The following FSTL4 variants were observed in gnomAD, a reference collection of about 807,000 sequenced individuals.
FSTL4 encodes the protein follistatin-related protein 4.
A neutral mutation model predicts 78.2 loss-of-function variants in FSTL4; 28 were observed. The observed-to-expected ratio is 0.36, with a 90% CI of 0.27 to 0.49. The LOEUF (loss-of-function observed/expected upper bound fraction) is 0.49, where lower values mean the gene tolerates loss of function less well. Among genes scored for constraint, FSTL4 ranks in the 20% least tolerant of loss-of-function variants. The pLI, the probability that FSTL4 is intolerant of heterozygous loss-of-function variation, is 0.98. For synonymous variants in FSTL4, 422 were observed against 440.5 expected (o/e 0.96, Z 0.53); for missense variants, 922 against 1,084.9 (o/e 0.85, Z 2.11).
At chr5:133,315,231 G>C (rs1753876056) in intron 5 of FSTL4, among the ~76,000 whole-genome samples, 1 of 152,212 alleles carries the variant, frequency 6.6e-6, no homozygotes, top group Non-Finnish European at 1.5e-5. Context: ...TAACCCTCAT[G>C]ATGACCCTGT....
At chr5:133,240,305 A>T (rs1254037702) in intron 7 of FSTL4, among the ~76,000 whole-genome samples, 1 of 152,174 alleles carries the variant, frequency 6.6e-6, no homozygotes, top group Non-Finnish European at 1.5e-5. Context: ...GACATAATAG[A>T]CGGACTTGCC....
At chr5:133,743,499 C>G in the FSTL4 span, among the ~76,000 whole-genome samples, 1 of 152,086 alleles carries the variant, frequency 6.6e-6, no homozygotes, top group Admixed American at 6.5e-5. Context: ...CTTCTCTGTA[C>G]CTTGGTTTCT....
the FSTL4 span, among the ~76,000 whole-genome samples, chr5:133,719,087 T>G: frequency 6.6e-6 from 1 of 152,272 alleles, no homozygotes; most frequent in Non-Finnish European, 1.5e-5. Context: ...AGTAATCTTC[T>G]GTTTTTGAAT....
rs573133528 is a variant in FSTL4 at position 133,286,351 on chromosome 5, G to A, written c.727+26303C>T. Reference sequence around the variant, plus strand: ...CTAGGTACTAACAGAGAGGGACAACGGACCTTAGAGCTTTGGAGGCCCTAC... The same window carrying A: ...CTAGGTACTAACAGAGAGGGACAACAGACCTTAGAGCTTTGGAGGCCCTAC... On this transcript the variant is annotated intron_variant, in intron 6 of 15. Transcript: ENST00000265342. Among the ~76,000 whole-genome samples, 26 of 152,272 alleles carry A rather than the reference G, an allele frequency of 1.7e-4. No individual in the cohort carries two copies. In the South Asian group the frequency reaches 2.7e-3, roughly 16 times the overall value.
At chr5:133,405,831 C>T (rs1756350928) in intron 3 of FSTL4, among the ~76,000 whole-genome samples, 1 of 152,220 alleles carries the variant, frequency 6.6e-6, no homozygotes, top group Non-Finnish European at 1.5e-5. Context: ...AGTCCCGTGC[C>T]ATGTCTACCC....
chr5:133,625,809 T>C, the FSTL4 span, among the ~76,000 whole-genome samples: 6 of 103,978 alleles, frequency 5.8e-5, no homozygotes, highest in Non-Finnish European at 7.4e-5. Flanking sequence ...ATTCCATATA[T>C]ATATATTCCA....
intron 8 of FSTL4, among the ~76,000 whole-genome samples, chr5:133,231,247 A>G (rs1044600686): frequency 4.0e-5 from 6 of 151,606 alleles, no homozygotes; most frequent in Admixed American, 3.9e-4. Flanking sequence ...TTCTCCTTGA[A>G]AACACCCTGA....
chr5:133,623,552 G>A, the FSTL4 span, among the ~76,000 whole-genome samples: 1 of 151,962 alleles, frequency 6.6e-6, no homozygotes, highest in Non-Finnish European at 1.5e-5. Context: ...CTCTTGGGGG[G>A]AAATCATAGG....
the FSTL4 span, among the ~76,000 whole-genome samples, chr5:133,833,620 C>A: frequency 6.6e-6 from 1 of 152,160 alleles, no homozygotes; most frequent in African/African-American, 2.4e-5. Context: ...TCATACCCAA[C>A]CTTTCCGTCT....
At chr5:133,433,830 T>A (rs970336188) in intron 3 of FSTL4, among the ~76,000 whole-genome samples, 1 of 151,910 alleles carries the variant, frequency 6.6e-6, no homozygotes, top group Non-Finnish European at 1.5e-5. Flanking sequence ...TCAAGGCCAG[T>A]GCAGGTGTCT....
chr5:133,665,055 A>G, the FSTL4 span, among the ~76,000 whole-genome samples: 2 of 152,344 alleles, frequency 1.3e-5, no homozygotes, highest in Non-Finnish European at 2.9e-5. Flanking sequence ...GTCCATGAGC[A>G]TAGGGTTATA....
At chr5:133,661,340 C>A in the FSTL4 span, among the ~76,000 whole-genome samples, 2 of 152,134 alleles carry the variant, frequency 1.3e-5, no homozygotes, top group Non-Finnish European at 2.9e-5. Context: ...GGAAAACCAC[C>A]GAAGTGCTCT....
intron 4 of FSTL4, among the ~76,000 whole-genome samples, chr5:133,386,282 C>T (rs1437370506): frequency 6.6e-6 from 1 of 152,186 alleles, no homozygotes; most frequent in African/African-American, 2.4e-5. Context: ...AAATCACAAT[C>T]ATTTGCTGCA....
chr5:133,301,677 G>A (rs1156234105), intron 6 of FSTL4, among the ~76,000 whole-genome samples: 1 of 152,192 alleles, frequency 6.6e-6, no homozygotes, highest in African/African-American at 2.4e-5. Flanking sequence ...AGCACCGTCT[G>A]ACGAAAAATT....
At chr5:133,737,602 C>CTT in the FSTL4 span, among the ~76,000 whole-genome samples, 1,258 of 117,586 alleles carry the variant, frequency 0.011, 31 homozygotes, top group African/African-American at 0.021. Flanking sequence ...GGCTGATTTC[C>CTT]TTTTTTTTTT....
At chr5:133,608,499 C>G (rs1331874070) in intron 1 of FSTL4, among the ~76,000 whole-genome samples, 3 of 152,356 alleles carry the variant, frequency 2.0e-5, no homozygotes, top group Middle Eastern at 3.4e-3. Context: ...GTGGCTAGGC[C>G]TAAACTGGAA....
chr5:133,351,349 C>T (rs1301313767), intron 4 of FSTL4, among the ~76,000 whole-genome samples: 1 of 152,132 alleles, frequency 6.6e-6, no homozygotes, highest in Non-Finnish European at 1.5e-5. Flanking sequence ...ATTATACTTT[C>T]TCAATCTGAA....
the FSTL4 span, among the ~76,000 whole-genome samples, chr5:133,840,700 G>T: frequency 6.6e-6 from 1 of 152,154 alleles, no homozygotes; most frequent in Non-Finnish European, 1.5e-5. Context: ...GAGCTACCAG[G>T]CTAAAAGTCT....
chr5:133,581,134 T>TA (rs1760395198), intron 2 of FSTL4, among the ~76,000 whole-genome samples: 1 of 152,226 alleles, frequency 6.6e-6, no homozygotes, highest in Non-Finnish European at 1.5e-5. Context: ...AAATGGAACT[T>TA]AAAGTAGTTT....
Sources: gnomAD v4.1 joint callset for allele counts (sites outside exome capture counted in the v4.1 genomes callset) on GRCh38, gnomAD v4.1.1 for gene constraint, MANE v1.5 for transcripts, NCBI Gene and HGNC (gene_info 2026-07-23, HGNC 2026-07-21) for gene names.